ATL1: variants seen among roughly 807,000 people sequenced by gnomAD.
ATL1 encodes atlastin GTPase 1.
ATL1 carries 31 observed loss-of-function variants against 75.5 expected under a neutral mutation model. The ratio of observed to expected loss-of-function variants is 0.41; its 90% CI spans 0.31 to 0.55. ATL1 has a LOEUF of 0.55. Among genes scored for constraint, ATL1 ranks in the 20% least tolerant of loss-of-function variants. ATL1 has a pLI of 0.27. For synonymous variants in ATL1, 226 were observed against 233.3 expected (o/e 0.97, Z 0.28); for missense variants, 405 against 662.6 (o/e 0.61, Z 4.27).
chr14:50,592,170 T>C (rs765378888), intron 4 of ATL1, among the ~76,000 whole-genome samples: 6 of 152,186 alleles, frequency 3.9e-5, no homozygotes, highest in Non-Finnish European at 7.3e-5. Context: ...AAAAGTCTTA[T>C]TTTTGAGGTT....
chr14:50,587,651 C>T (rs2039114865), intron 1 of ATL1, among the ~76,000 whole-genome samples, 180 bp from the exon 2 acceptor site: 1 of 152,154 alleles, frequency 6.6e-6, no homozygotes, highest in African/African-American at 2.4e-5. Context: ...TCAAGCGATC[C>T]TCCCACCTCA....
intron 11 of ATL1, among the ~76,000 whole-genome samples, chr14:50,624,000 A>G (rs2039492739): frequency 6.6e-6 from 1 of 152,206 alleles, no homozygotes; most frequent in Non-Finnish European, 1.5e-5. Flanking sequence ...GGTTGCAGTG[A>G]GCTGAGATTG....
intron 1 of ATL1, among the ~76,000 whole-genome samples, chr14:50,555,010 T>G (rs1033114447): frequency 2.0e-5 from 3 of 152,250 alleles, no homozygotes; most frequent in Non-Finnish European, 4.4e-5. Context: ...ACCCCAAAAT[T>G]TTTGTTACAT....
chr14:50,544,990 T>A (rs944334848), intron 1 of ATL1, among the ~76,000 whole-genome samples: 6 of 138,406 alleles, frequency 4.3e-5, no homozygotes, highest in South Asian at 5.3e-4. Flanking sequence ...AACAGGTCCC[T>A]CACCAGATTA....
chr14:50,541,156 A>T (rs990651932), intron 1 of ATL1, among the ~76,000 whole-genome samples: 1 of 152,234 alleles, frequency 6.6e-6, no homozygotes, highest in African/African-American at 2.4e-5. Flanking sequence ...GTTTGCTTTC[A>T]CATGATTGCA....
At chr14:50,550,123 C>G (rs1057055804) in intron 1 of ATL1, among the ~76,000 whole-genome samples, 15 of 152,148 alleles carry the variant, frequency 9.9e-5, no homozygotes, top group African/African-American at 3.6e-4. Flanking sequence ...GTCTGAGAGC[C>G]TTATGATATC....
rs913319238 is a variant in ATL1 at position 50,595,446 on chromosome 14, A to G, written c.574-130A>G. 73 of 770,494 alleles carry G rather than the reference A, an allele frequency of 9.5e-5. No homozygotes were observed. In the African/African-American group the frequency reaches 1.2e-3, roughly 13 times the overall value. The allele number at this position is 770,494 out of a possible 1,614,324, so 47.7% of individuals were successfully genotyped here. A position where few individuals can be genotyped will look rare whatever the true frequency, so the allele number is the denominator to read the frequency against. On this transcript the variant is annotated intron_variant, in intron 5 of 13. Transcript: ENST00000358385. ...ATGATTATTAGAATCTTCTTAATGTAATATTCTGTTATACCTAGAGGGAAA... is the reference window on the plus strand; with the variant it reads ...ATGATTATTAGAATCTTCTTAATGTGATATTCTGTTATACCTAGAGGGAAA...
At chr14:50,587,266 C>T (rs961529971) in intron 1 of ATL1, among the ~76,000 whole-genome samples, 2 of 152,210 alleles carry the variant, frequency 1.3e-5, no homozygotes, top group African/African-American at 4.8e-5. Context: ...CAGACAGAGA[C>T]ATCTGCACTG....
chr14:50,606,882 G>A (rs935609993), intron 6 of ATL1, among the ~76,000 whole-genome samples: 2 of 152,036 alleles, frequency 1.3e-5, no homozygotes, highest in Non-Finnish European at 1.5e-5. Context: ...TGAATGGTGT[G>A]CCCCCAAACC....
chr14:50,625,547 A>C (rs1237625657), intron 11 of ATL1, among the ~76,000 whole-genome samples: 5 of 152,216 alleles, frequency 3.3e-5, no homozygotes, highest in African/African-American at 7.2e-5. Context: ...TTGGAAGAAC[A>C]GGCTGACTTT....
In ATL1 at chr14:50,593,891, C is replaced by T. The variant is rs2140208137; in HGVS notation, c.568C>T (p.Leu190Phe). ...TGTCCAGGAGGATGATCTTCAGCAC[C>T]TCCAGGTAACAATATTTATTTTCTT... ...QNVQEDDLQHLQLFTEYGRLA... is the reference protein window; with the variant it reads ...QNVQEDDLQHFQLFTEYGRLA... Residue 190 changes from leucine to phenylalanine, a missense_variant, in exon 5 of 14, where the codon CTC (leucine) becomes TTC (phenylalanine). This residue lies in a region of ATL1 where 59 missense variants were observed against 161.4 expected (regional missense o/e 0.37). Coordinates refer to ENST00000358385, the MANE Select transcript of ATL1 (RefSeq NM_015915.5). 6.2e-7 allele frequency: 1 copy of T among 1,605,150 alleles called. No homozygotes were observed. Among genetic ancestry groups the T allele is most frequent in the Non-Finnish European group, 8.5e-7 (1 of 1,172,454 alleles).
intron 1 of ATL1, among the ~76,000 whole-genome samples, chr14:50,546,458 A>G (rs1462752296): frequency 6.6e-6 from 1 of 152,146 alleles, no homozygotes; most frequent in Non-Finnish European, 1.5e-5. Context: ...CTGACATGCT[A>G]CCAACTTGGC....
At chr14:50,574,911 G>GTA (rs1302973394) in intron 1 of ATL1, among the ~76,000 whole-genome samples, 764 of 38,980 alleles carry the variant, frequency 0.02, 2 homozygotes, top group Non-Finnish European at 0.027. Flanking sequence ...AATACTGAGT[G>GTA]TGTGTGTGTG....
At chr14:50,614,576 A>T in intron 8 of ATL1, 65 bp downstream of exon 8, 1 of 1,531,472 alleles carries the variant, frequency 6.5e-7, no homozygotes, top group African/African-American at 1.4e-5. Context: ...CATTTTATCT[A>T]TTGGGCTTAT....
chr14:50,583,176 C>A (rs1325579826), intron 1 of ATL1, among the ~76,000 whole-genome samples: 1 of 152,074 alleles, frequency 6.6e-6, no homozygotes, highest in Non-Finnish European at 1.5e-5. Context: ...CTACTGAAAT[C>A]AAAAGTTATG....
chr14:50,550,495 T>C (rs1374432018), intron 1 of ATL1, among the ~76,000 whole-genome samples: 3 of 152,162 alleles, frequency 2.0e-5, no homozygotes, highest in African/African-American at 7.2e-5. Flanking sequence ...TAAGTTGCAA[T>C]GGTATGCCTT....
At chr14:50,597,654 A>T (rs1442747424) in intron 6 of ATL1, among the ~76,000 whole-genome samples, 1 of 152,178 alleles carries the variant, frequency 6.6e-6, no homozygotes, top group African/African-American at 2.4e-5. Context: ...TAGGTATCAT[A>T]TTATGTGATA....
chr14:50,613,206 C>A, intron 6 of ATL1, 53 bp from the exon 7 acceptor site: 4 of 1,318,478 alleles, frequency 3.0e-6, no homozygotes, highest in Admixed American at 3.4e-5. Context: ...CCATATAAAG[C>A]AAAGGGAGGC....
rs1290121393 is a variant in ATL1, at chr14:50,632,982, A to G, written c.*643A>G. The G allele has an allele frequency of 6.6e-6, 1 of 152,164 alleles. No homozygotes were observed. The highest frequency in any genetic ancestry group is 6.5e-5 in the Admixed American group (1 of 15,286). The allele number at this position is 152,164 out of a possible 1,614,324, so 9.4% of individuals were successfully genotyped here. A position where few individuals can be genotyped will look rare whatever the true frequency, so the allele number is the denominator to read the frequency against. On this transcript the variant is annotated 3_prime_UTR_variant, in exon 14 of 14. Coordinates refer to ENST00000358385, the MANE Select transcript of ATL1 (RefSeq NM_015915.5). Reference sequence around the variant, plus strand: ...TTGGTACACAAAGAATGTATTCTTCATAGGTTTATTCTTTTAATATGTGAA... The same window carrying G: ...TTGGTACACAAAGAATGTATTCTTCGTAGGTTTATTCTTTTAATATGTGAA...
Sources: allele counts gnomAD v4.1 joint callset (sites outside exome capture counted in the v4.1 genomes callset), GRCh38; gene constraint gnomAD v4.1.1; regional missense constraint gnomAD v4.1.1; transcripts MANE v1.5; gene names NCBI Gene and HGNC (gene_info 2026-07-23, HGNC 2026-07-21).